TMC1: variants seen among roughly 807,000 people sequenced by gnomAD.
TMC1 encodes the protein transmembrane channel-like protein 1.
Under a neutral mutation model 105.8 loss-of-function variants are expected in TMC1, and 84 were observed. That is an observed-to-expected ratio of 0.79 (90% CI 0.67 to 0.95). TMC1 has a LOEUF of 0.95. Among genes scored for constraint, TMC1 ranks in the 40% least tolerant of loss-of-function variants. TMC1 has a pLI of 0.00. For missense variants in TMC1, 817 were observed against 914.1 expected (o/e 0.89, Z 1.37); for synonymous variants, 315 against 311.5 (o/e 1.01, Z -0.12).
intron 2 of TMC1, among the ~76,000 whole-genome samples, chr9:72,585,634 G>A (rs939623918): frequency 3.3e-5 from 5 of 152,200 alleles, no homozygotes; most frequent in Admixed American, 2.6e-4. Context: ...TCTCTGGCTT[G>A]GAGTTGACCA....
chr9:72,799,665 A>C (rs1456216661), intron 17 of TMC1, among the ~76,000 whole-genome samples: 2 of 152,142 alleles, frequency 1.3e-5, no homozygotes, highest in Non-Finnish European at 2.9e-5. Flanking sequence ...AACATATTAC[A>C]TATGAAATAA....
At chr9:72,741,751 A>G (rs1298235029) in intron 9 of TMC1, 1 of 152,440 alleles carries the variant, frequency 6.6e-6, no homozygotes, top group Non-Finnish European at 1.5e-5. Flanking sequence ...GCATTTGCAT[A>G]CATGCAAAAT....
At chr9:72,799,400 A>AATAT (rs1486916985) in intron 17 of TMC1, among the ~76,000 whole-genome samples, 1 of 152,142 alleles carries the variant, frequency 6.6e-6, no homozygotes, top group Non-Finnish European at 1.5e-5. Flanking sequence ...AATATGTAAA[A>AATAT]ATATATCTTA....
chr9:72,648,624 G>C lies in TMC1; in HGVS notation c.-25G>C. On this transcript the variant is annotated 5_prime_UTR_variant, in exon 5 of 24. Coordinates refer to ENST00000297784, the MANE Select transcript of TMC1 (RefSeq NM_138691.3). Reference sequence around the variant, plus strand: ...CCTCTCCAAACTAGCCAGCCACTGAGACCTTCTGACAGGACACCCCCAGGA... The same window carrying C: ...CCTCTCCAAACTAGCCAGCCACTGACACCTTCTGACAGGACACCCCCAGGA... 1 of 1,612,224 alleles carries C rather than the reference G, an allele frequency of 6.2e-7. No individual in the cohort carries two copies. Among genetic ancestry groups the C allele is most frequent in the African/African-American group, 1.3e-5 (1 of 74,964 alleles).
chr9:72,686,885 C>T (rs1025297348), intron 5 of TMC1, among the ~76,000 whole-genome samples: 2 of 152,080 alleles, frequency 1.3e-5, no homozygotes, highest in African/African-American at 4.8e-5. Context: ...AATATCTTCC[C>T]TTATGGACTT....
intron 2 of TMC1, among the ~76,000 whole-genome samples, chr9:72,606,996 TATATATAGAGAG>T (rs1176362841): frequency 3.0e-5 from 3 of 99,858 alleles, no homozygotes; most frequent in Non-Finnish European, 4.3e-5. Context: ...TATATATATA[TATATATAGAGAG>T]AGAGAGAGAG....
At chr9:72,782,851 T>G (rs911922908) in intron 13 of TMC1, among the ~76,000 whole-genome samples, 3 of 152,132 alleles carry the variant, frequency 2.0e-5, no homozygotes, top group Non-Finnish European at 4.4e-5. Context: ...ATTGTTAAAA[T>G]GGCCATATTA....
intron 17 of TMC1, among the ~76,000 whole-genome samples, chr9:72,796,115 T>A (rs748179370): frequency 4.0e-5 from 6 of 151,510 alleles, no homozygotes; most frequent in Non-Finnish European, 7.4e-5. Flanking sequence ...CATTACATAA[T>A]GGTAAAGGGT....
intron 1 of TMC1, among the ~76,000 whole-genome samples, chr9:72,556,591 G>C (rs1447152473): frequency 6.6e-6 from 1 of 150,896 alleles, no homozygotes; most frequent in Non-Finnish European, 1.5e-5. Context: ...GGCCGAGACG[G>C]GTGGATCACT....
At chr9:72,643,714 T>C (rs932931371) in intron 4 of TMC1, among the ~76,000 whole-genome samples, 4 of 152,196 alleles carry the variant, frequency 2.6e-5, no homozygotes, top group Non-Finnish European at 5.9e-5. Flanking sequence ...TTGCATTATT[T>C]CCAGTTTTGG....
chr9:72,796,012 C>A (rs775439277), intron 17 of TMC1, among the ~76,000 whole-genome samples: 1 of 150,836 alleles, frequency 6.6e-6, no homozygotes, highest in African/African-American at 2.4e-5. Flanking sequence ...TTAAAATTCC[C>A]AATTTCAAAA....
chr9:72,678,083 C>A (rs1468012861), intron 5 of TMC1, among the ~76,000 whole-genome samples: 6 of 152,102 alleles, frequency 3.9e-5, no homozygotes, highest in African/African-American at 1.4e-4. Flanking sequence ...CACTTTCACA[C>A]CTTTTGGGTA....
chr9:72,578,920 T>C (rs1410493163), intron 2 of TMC1, among the ~76,000 whole-genome samples: 1 of 152,166 alleles, frequency 6.6e-6, no homozygotes, highest in African/African-American at 2.4e-5. Context: ...TTCCTTTCGA[T>C]GTTGGTCGTT....
rs2118299085 is a variant in TMC1, at chr9:72,821,019, C to T, written c.1941C>T (p.Ser647=). The change falls in exon 20 of 24, where the codon TCC becomes TCT. Residue 647 remains serine, a synonymous_variant. Transcript: ENST00000297784. ...LGMLLLILFL[S]TMPVLYMIVS... is the part of the protein sequence containing the mutation. ...TGCTACTGCTCATCCTCTTCCTGTC[C>T]ACAATGCCTGTCTTGTACATGATCG... The T allele has an allele frequency of 1.9e-6, 3 of 1,614,186 alleles. No individual in the cohort carries two copies. Among genetic ancestry groups the T allele is most frequent in the Non-Finnish European group, 2.5e-6 (3 of 1,180,026 alleles).
At chr9:72,757,011 T>G (rs919498249) in intron 12 of TMC1, among the ~76,000 whole-genome samples, 9 of 152,294 alleles carry the variant, frequency 5.9e-5, no homozygotes, top group African/African-American at 9.6e-5. Flanking sequence ...TGGTGAAATA[T>G]GATTTGTCGG....
At chr9:72,793,900 G>A (rs1828319275) in intron 17 of TMC1, among the ~76,000 whole-genome samples, 1 of 152,094 alleles carries the variant, frequency 6.6e-6, no homozygotes, top group South Asian at 2.1e-4. Flanking sequence ...GTAACTCCCT[G>A]GACAGGATCC....
intron 10 of TMC1, among the ~76,000 whole-genome samples, chr9:72,745,783 G>C (rs1827479597): frequency 6.6e-6 from 1 of 152,138 alleles, no homozygotes; most frequent in African/African-American, 2.4e-5. Context: ...GATTTTCTGA[G>C]TTGAGGACTT....
intron 13 of TMC1, among the ~76,000 whole-genome samples, chr9:72,783,516 GGCA>G (rs1485767474): frequency 4.3e-4 from 66 of 152,200 alleles, no homozygotes; most frequent in African/African-American, 1.3e-3. Flanking sequence ...TAGCCACTGT[GGCA>G]GCTGATTAGA....
chr9:72,662,001 T>A (rs1825975413), intron 5 of TMC1, among the ~76,000 whole-genome samples: 2 of 152,130 alleles, frequency 1.3e-5, no homozygotes, highest in South Asian at 4.1e-4. Flanking sequence ...TTCAGCTAGG[T>A]CTGATGGAAC....
Sources: gnomAD v4.1 joint callset for allele counts (sites outside exome capture counted in the v4.1 genomes callset) on GRCh38, gnomAD v4.1.1 for gene constraint, MANE v1.5 for transcripts, NCBI Gene and HGNC (gene_info 2026-07-23, HGNC 2026-07-21) for gene names.